The following PPARGC1A variants were observed in gnomAD, a reference collection of about 807,000 sequenced individuals.
PPARGC1A encodes peroxisome proliferator-activated receptor gamma coactivator 1-alpha.
PPARGC1A carries 25 observed loss-of-function variants against 88.7 expected under a neutral mutation model. That is an observed-to-expected ratio of 0.28 (90% CI 0.21 to 0.39). The LOEUF is 0.39. Among genes scored for constraint, PPARGC1A ranks in the 10% least tolerant of loss-of-function variants. The probability of loss-of-function intolerance (pLI) is 1.00; values close to 1 mark genes in which losing one functional copy is unlikely to be tolerated. For synonymous variants in PPARGC1A, 363 were observed against 355.6 expected (o/e 1.02, Z -0.24); for missense variants, 880 against 968.7 (o/e 0.91, Z 1.22).
At chr4:24,469,805 C>T in the PPARGC1A span, among the ~76,000 whole-genome samples, 11 of 152,280 alleles carry the variant, frequency 7.2e-5, no homozygotes, top group Admixed American at 2.0e-4. Flanking sequence ...ACGCCCCCCT[C>T]CGCAAATGGT....
the PPARGC1A span, among the ~76,000 whole-genome samples, chr4:24,355,963 G>T: frequency 2.0e-5 from 3 of 152,214 alleles, no homozygotes; most frequent in South Asian, 6.2e-4. Context: ...TTGGGAGGCT[G>T]AGGAGGGCAG....
chr4:24,241,261 G>A, the PPARGC1A span, among the ~76,000 whole-genome samples: 10,180 of 152,086 alleles, frequency 0.067, 411 homozygotes, highest in African/African-American at 0.11. Context: ...AAAAAGCTTA[G>A]AAAATACTTT....
At chr4:24,124,547 C>A in the PPARGC1A span, among the ~76,000 whole-genome samples, 3 of 152,290 alleles carry the variant, frequency 2.0e-5, no homozygotes, top group East Asian at 5.8e-4. Context: ...AGCGTGGAAA[C>A]CCTAAGCTAT....
At chr4:23,833,490 C>T (rs764765651) in intron 2 of PPARGC1A, among the ~76,000 whole-genome samples, 9 of 152,192 alleles carry the variant, frequency 5.9e-5, no homozygotes, top group Non-Finnish European at 1.2e-4. Context: ...TAAAATGCAC[C>T]TAGCTGCTGA....
At chr4:23,956,552 A>G in the PPARGC1A span, among the ~76,000 whole-genome samples, 1 of 152,006 alleles carries the variant, frequency 6.6e-6, no homozygotes, top group African/African-American at 2.4e-5. Flanking sequence ...ATATCTCTCC[A>G]GAAGCTCTGT....
At chr4:24,177,656 T>TAAAC in the PPARGC1A span, among the ~76,000 whole-genome samples, 1 of 90,382 alleles carries the variant, frequency 1.1e-5, no homozygotes, top group Non-Finnish European at 2.0e-5. Context: ...AATAAATAAA[T>TAAAC]AAATAAATAA....
At chr4:23,905,940 T>C (rs772421296), upstream of PPARGC1A, among the ~76,000 whole-genome samples, 37 of 152,224 alleles carry the variant, frequency 2.4e-4, no homozygotes, top group Middle Eastern at 3.4e-3. Flanking sequence ...GAACCACAGC[T>C]TCATGTTCAG....
chr4:24,300,291 C>A, the PPARGC1A span, among the ~76,000 whole-genome samples: 1 of 104,088 alleles, frequency 9.6e-6, no homozygotes, highest in East Asian at 3.0e-4. Flanking sequence ...TTTTTTTCCT[C>A]CTTTAAGCAA....
chr4:23,865,899 T>C (rs79168434), intron 2 of PPARGC1A, among the ~76,000 whole-genome samples: 199 of 151,950 alleles, frequency 1.3e-3, no homozygotes, highest in Non-Finnish European at 2.3e-3. Context: ...TTAAGTGTTG[T>C]AATCTACACA....
At chr4:24,230,750 C>T in the PPARGC1A span, among the ~76,000 whole-genome samples, 7 of 152,064 alleles carry the variant, frequency 4.6e-5, no homozygotes, top group African/African-American at 1.7e-4. Flanking sequence ...GCTCCTTGCA[C>T]CTTGTTATCT....
At chr4:24,285,440 G>T in the PPARGC1A span, among the ~76,000 whole-genome samples, 1 of 152,208 alleles carries the variant, frequency 6.6e-6, no homozygotes, top group Non-Finnish European at 1.5e-5. Flanking sequence ...AAAAACAGGT[G>T]GGGGAAAAGC....
At chr4:24,423,077 T>C in the PPARGC1A span, among the ~76,000 whole-genome samples, 5 of 152,172 alleles carry the variant, frequency 3.3e-5, no homozygotes, top group African/African-American at 1.2e-4. Flanking sequence ...TGTTTATAGA[T>C]ATAATACACA....
chr4:23,907,098 T>G (rs1720132644), upstream of PPARGC1A, among the ~76,000 whole-genome samples: 2 of 152,090 alleles, frequency 1.3e-5, no homozygotes, highest in African/African-American at 4.8e-5. Flanking sequence ...CTGCCTCTCC[T>G]GATATCTTTA....
chr4:24,175,544 T>A, the PPARGC1A span, among the ~76,000 whole-genome samples: 2 of 145,336 alleles, frequency 1.4e-5, no homozygotes, highest in East Asian at 4.0e-4. Flanking sequence ...CAAGCTTTTT[T>A]TTTTTTTTTT....
chr4:24,142,204 C>T, the PPARGC1A span, among the ~76,000 whole-genome samples: 1 of 152,090 alleles, frequency 6.6e-6, no homozygotes, highest in African/African-American at 2.4e-5. Flanking sequence ...ACTGGAGTTG[C>T]AGGGAAGAAG....
At chr4:24,206,516 C>A in the PPARGC1A span, among the ~76,000 whole-genome samples, 1 of 152,084 alleles carries the variant, frequency 6.6e-6, no homozygotes, top group Admixed American at 6.5e-5. Context: ...TAAAAAAAGC[C>A]AAAGACCATA....
chr4:24,010,027 G>A, the PPARGC1A span, among the ~76,000 whole-genome samples: 1 of 152,136 alleles, frequency 6.6e-6, no homozygotes, highest in East Asian at 1.9e-4. Flanking sequence ...TTAGTTGATT[G>A]GTTGGTTGAA....
At chr4:24,078,754 T>C in the PPARGC1A span, among the ~76,000 whole-genome samples, 7 of 152,174 alleles carry the variant, frequency 4.6e-5, no homozygotes, top group African/African-American at 1.4e-4. Flanking sequence ...ACCATTTGTT[T>C]ATTCTTCTTT....
At chr4:23,835,498 GTGTGTGTGT>G (rs1725850670) in intron 2 of PPARGC1A, among the ~76,000 whole-genome samples, 1 of 150,720 alleles carries the variant, frequency 6.6e-6, no homozygotes, top group African/African-American at 2.5e-5. Context: ...GTGTGTGTGT[GTGTGTGTGT>G]TGGAGTATGT....
Sources: gnomAD v4.1 joint callset for allele counts (sites outside exome capture counted in the v4.1 genomes callset) on GRCh38, gnomAD v4.1.1 for gene constraint, MANE v1.5 for transcripts, NCBI Gene and HGNC (gene_info 2026-07-23, HGNC 2026-07-21) for gene names.